AGAP1: variants seen among roughly 807,000 people sequenced by gnomAD.
AGAP1 encodes ArfGAP with GTPase domain, ankyrin repeat and PH domain 1.
In AGAP1, 29 loss-of-function variants were observed where a neutral mutation model predicts 105.3. That is an observed-to-expected ratio of 0.28 (90% CI 0.21 to 0.38). The LOEUF (loss-of-function observed/expected upper bound fraction) is 0.38. Ranked by LOEUF, AGAP1 falls within the 10% of genes least tolerant of loss-of-function variation. The pLI is 1.00. For synonymous variants in AGAP1, 509 were observed against 485.9 expected (o/e 1.05, Z -0.63); for missense variants, 998 against 1,165.1 (o/e 0.86, Z 2.09).
chr2:235,693,021 G>T (rs1949812524), intron 1 of AGAP1, among the ~76,000 whole-genome samples: 2 of 152,174 alleles, frequency 1.3e-5, no homozygotes, highest in Non-Finnish European at 2.9e-5. Context: ...ACTGTAGAGT[G>T]TCAGATTCCA....
intron 12 of AGAP1, among the ~76,000 whole-genome samples, chr2:235,955,066 T>C (rs1257118849): frequency 6.6e-6 from 1 of 152,038 alleles, no homozygotes; most frequent in African/African-American, 2.4e-5. Context: ...GTGAGGCCGG[T>C]TGAGGGTAGA....
chr2:235,745,304 A>T (rs1160589216), intron 5 of AGAP1, among the ~76,000 whole-genome samples: 3 of 152,160 alleles, frequency 2.0e-5, no homozygotes, highest in African/African-American at 7.2e-5. Context: ...TCTGTTTGTC[A>T]CCGTCTTATG....
intron 15 of AGAP1, among the ~76,000 whole-genome samples, chr2:236,048,756 T>C (rs2057803865): frequency 6.6e-6 from 1 of 152,202 alleles, no homozygotes; most frequent in Admixed American, 6.5e-5. Flanking sequence ...TCAAGGTGAA[T>C]GCTGCTGTGA....
intron 1 of AGAP1, among the ~76,000 whole-genome samples, chr2:235,680,453 C>T (rs915947924): frequency 3.3e-5 from 5 of 152,044 alleles, no homozygotes; most frequent in Admixed American, 6.6e-5. Context: ...CATTTGGACC[C>T]GTCTCAGGTG....
rs1959192885 is a variant in AGAP1 at position 235,829,610 on chromosome 2, T to C, written c.1050+22279T>C. 2.0e-5 allele frequency among the ~76,000 whole-genome samples: 3 copies of C among 152,390 alleles called. No homozygotes were observed. The Middle Eastern group carries it at 0.01, about 518-fold the overall frequency. ...TTAATCATGATGTTAGCTTGTTATATATTGCGAAGAGATTTTTTATAAGTT... is the reference window on the plus strand; with the variant it reads ...TTAATCATGATGTTAGCTTGTTATACATTGCGAAGAGATTTTTTATAAGTT... On this transcript the variant is annotated intron_variant, in intron 9 of 17. Coordinates refer to ENST00000304032, the MANE Select transcript of AGAP1 (RefSeq NM_001037131.3).
chr2:235,595,975 T>C lies in AGAP1; in HGVS notation c.163+101126T>C, dbSNP rs1052744402. On this transcript the variant is annotated intron_variant, in intron 1 of 17. Coordinates refer to ENST00000304032, the MANE Select transcript of AGAP1 (RefSeq NM_001037131.3). Reference sequence around the variant, plus strand: ...TGAAGCAGTAATGTATTACTTTGCGTACTGTGTACAGGGGCCGGCAGATGT... The same window carrying C: ...TGAAGCAGTAATGTATTACTTTGCGCACTGTGTACAGGGGCCGGCAGATGT... Among the ~76,000 whole-genome samples the C allele has an allele frequency of 2.6e-5, 4 of 152,334 alleles. No homozygotes were observed. In the South Asian group the frequency reaches 6.2e-4, roughly 24 times the overall value.
At chr2:235,666,552 T>C (rs1187461989) in intron 1 of AGAP1, among the ~76,000 whole-genome samples, 1 of 151,968 alleles carries the variant, frequency 6.6e-6, no homozygotes, top group Non-Finnish European at 1.5e-5. Flanking sequence ...TGCTTCCTTC[T>C]GAGGTGGAAA....
chr2:235,602,954 G>A (rs776937830), intron 1 of AGAP1, among the ~76,000 whole-genome samples: 6 of 152,164 alleles, frequency 3.9e-5, no homozygotes, highest in East Asian at 3.9e-4. Context: ...CTCCTGCATC[G>A]GCCTCCCAAA....
In AGAP1 at chr2:235,992,817, G is replaced by A. The variant is rs756513781; in HGVS notation, c.1645+24194G>A. Among the ~76,000 whole-genome samples the A allele has an allele frequency of 3.3e-5, 5 of 152,290 alleles. No homozygotes were observed. The highest frequency in any genetic ancestry group is 1.9e-4 in the East Asian group (1 of 5,168). Reference sequence around the variant, plus strand: ...TGCTGCTCTTTGGGGTAGACCAGCCGTTTCCACGCACAGGCTGCACATTGT... The same window carrying A: ...TGCTGCTCTTTGGGGTAGACCAGCCATTTCCACGCACAGGCTGCACATTGT... On this transcript the variant is annotated intron_variant, in intron 13 of 17. Coordinates refer to ENST00000304032, the MANE Select transcript of AGAP1 (RefSeq NM_001037131.3). The surrounding 1 kb of genome is among the most constrained non-coding windows in gnomAD (Gnocchi z 4.8).
At chr2:235,755,018 C>G (rs1437824943) in intron 6 of AGAP1, among the ~76,000 whole-genome samples, 1 of 152,156 alleles carries the variant, frequency 6.6e-6, no homozygotes, top group Non-Finnish European at 1.5e-5. Flanking sequence ...TTCTGCTTGA[C>G]CTGGGCAGCT....
At position 235,660,098 on chromosome 2, in the gene AGAP1, C is replaced by T. The variant is rs984471606; in HGVS notation, c.164-49081C>T. On this transcript the variant is annotated intron_variant, in intron 1 of 17. Coordinates refer to ENST00000304032, the MANE Select transcript of AGAP1 (RefSeq NM_001037131.3). The surrounding 1 kb of genome is among the most constrained non-coding windows in gnomAD (Gnocchi z 5.3). ...GGATGCCCCCACCCCTCAGCACACA[C>T]AGTGACTGTGTTTTCATGTTTTCCA... 6.6e-5 allele frequency among the ~76,000 whole-genome samples: 10 copies of T among 152,198 alleles called. No individual in the cohort carries two copies. Among genetic ancestry groups the T allele is most frequent in the East Asian group, 5.8e-4 (3 of 5,194 alleles).
Position 235,930,694 on chromosome 2 carries a change from A to G in AGAP1, c.1325-71A>G, listed in dbSNP as rs1015156714. ...CACTATGTGCCAGCGTGTGGGTCCCATAGACTAACTCGCGCTGGTTTCTGT... is the reference window on the plus strand; with the variant it reads ...CACTATGTGCCAGCGTGTGGGTCCCGTAGACTAACTCGCGCTGGTTTCTGT... On this transcript the variant is annotated intron_variant, in intron 11 of 17. Coordinates refer to ENST00000304032, the MANE Select transcript of AGAP1 (RefSeq NM_001037131.3). This position sits in a 1 kb window ranked among gnomAD's most constrained non-coding sequence, Gnocchi z 7.9. The G allele has an allele frequency of 6.6e-6, 10 of 1,509,796 alleles. No individual in the cohort carries two copies. The highest frequency in any genetic ancestry group is 5.3e-5 in the Admixed American group (3 of 56,272). The allele number at this position is 1,509,796 out of a possible 1,614,324, so 93.5% of individuals were successfully genotyped here.
rs1442622964 is a variant in AGAP1, at chr2:235,744,215, C to T, written c.397-483C>T. ...CTTCAACAGAGTAGGCCAGCCGCTG[C>T]GGTAGCGAGTGGGAAGGACTGAGGG... On this transcript the variant is annotated intron_variant, in intron 4 of 17. Coordinates refer to ENST00000304032, the MANE Select transcript of AGAP1 (RefSeq NM_001037131.3). The surrounding 1 kb of genome is among the most constrained non-coding windows in gnomAD (Gnocchi z 5.2). Among the ~76,000 whole-genome samples, 1 of 152,126 alleles carries T rather than the reference C, an allele frequency of 6.6e-6. No individual in the cohort carries two copies. Among genetic ancestry groups the T allele is most frequent in the Middle Eastern group, 3.4e-3 (1 of 294 alleles).
At chr2:235,841,608 C>G (rs1960852178) in intron 9 of AGAP1, among the ~76,000 whole-genome samples, 1 of 152,150 alleles carries the variant, frequency 6.6e-6, no homozygotes, top group African/African-American at 2.4e-5. Flanking sequence ...CCAGTGTGAG[C>G]TGTGAGAGAG....
chr2:236,007,640 TTAAGAA>T (rs1183771155), intron 13 of AGAP1, among the ~76,000 whole-genome samples: 1 of 152,194 alleles, frequency 6.6e-6, no homozygotes, highest in Admixed American at 6.5e-5. Flanking sequence ...GATTTTGTGT[TTAAGAA>T]AAAAGAACCA....
intron 9 of AGAP1, among the ~76,000 whole-genome samples, chr2:235,816,437 CAAAAAAAAAAAA>C (rs79795818): frequency 1.0e-5 from 1 of 97,930 alleles, no homozygotes; most frequent in Non-Finnish European, 2.1e-5. Flanking sequence ...GACTCCGTCT[CAAAAAAAAAAAA>C]AAAAAAAAGG....
intron 13 of AGAP1, among the ~76,000 whole-genome samples, chr2:235,985,126 CTT>C (rs1465643243): frequency 6.6e-6 from 1 of 152,174 alleles, no homozygotes; most frequent in Non-Finnish European, 1.5e-5. Flanking sequence ...TGTTTCCTGA[CTT>C]TTTAATAATC....
At position 235,970,180 on chromosome 2, in the gene AGAP1, C is replaced by T. The variant is rs538171416; in HGVS notation, c.1645+1557C>T. Among the ~76,000 whole-genome samples the T allele has an allele frequency of 7.2e-4, 93 of 128,570 alleles. No homozygotes were observed. The highest frequency in any genetic ancestry group is 1.0e-3 in the Non-Finnish European group (66 of 63,454). The allele number at this position is 128,570 out of a possible 152,430, so 84.3% of individuals were successfully genotyped here. On this transcript the variant is annotated intron_variant, in intron 13 of 17. Transcript: ENST00000304032. This position sits in a 1 kb window ranked among gnomAD's most constrained non-coding sequence, Gnocchi z 5.4. Reference sequence around the variant, plus strand: ...CCATGCCACTGCACTCCAGCCTGGGCGGGCGACAGAGTGAGACTCTGTCTT... The same window carrying T: ...CCATGCCACTGCACTCCAGCCTGGGTGGGCGACAGAGTGAGACTCTGTCTT...
chr2:235,569,929 G>A lies in AGAP1; in HGVS notation c.163+75080G>A, dbSNP rs1019012196. Among the ~76,000 whole-genome samples, 7 of 152,180 alleles carry A rather than the reference G, an allele frequency of 4.6e-5. No individual in the cohort carries two copies. The highest frequency in any genetic ancestry group is 3.3e-4 in the Admixed American group (5 of 15,284). Reference sequence around the variant, plus strand: ...TTAGAATGTTTATAGAATTGAACACGAAAACCAGAGTTGTATATCTAAGGA... The same window carrying A: ...TTAGAATGTTTATAGAATTGAACACAAAAACCAGAGTTGTATATCTAAGGA... On this transcript the variant is annotated intron_variant, in intron 1 of 17. Transcript: ENST00000304032. This position sits in a 1 kb window ranked among gnomAD's most constrained non-coding sequence, Gnocchi z 5.9.
Sources: gnomAD v4.1 joint callset for allele counts (sites outside exome capture counted in the v4.1 genomes callset) on GRCh38, gnomAD v4.1.1 for gene constraint, Gnocchi (gnomAD v3.1) non-coding constraint, MANE v1.5 for transcripts, NCBI Gene and HGNC (gene_info 2026-07-23, HGNC 2026-07-21) for gene names.